The following ZNF519 variants were observed in gnomAD, a reference collection of about 807,000 sequenced individuals.
ZNF519 encodes the protein similar to Zinc finger protein 85 (Zinc finger protein HPF4) (HTF1).
A neutral mutation model predicts 7.4 loss-of-function variants in ZNF519; 7 were observed. The ratio of observed to expected loss-of-function variants is 0.94; its 90% CI spans 0.54 to 1.77. ZNF519 has a LOEUF of 1.77. Ranked by LOEUF, ZNF519 falls within the 40% of genes most tolerant of loss-of-function variation. The pLI is 0.00. For missense variants in ZNF519, 586 were observed against 623.1 expected, an observed-to-expected ratio of 0.94 and a Z score of 0.63; for synonymous variants, 179 against 203.3, an observed-to-expected ratio of 0.88 and a Z score of 1.02.
rs10221432 is a variant in ZNF519 at position 14,106,275 on chromosome 18, C to T, written c.265G>A (p.Gly89Ser). 4,782 of 1,613,270 alleles carry T rather than the reference C, an allele frequency of 3.0e-3. 139 individuals carry two copies. The African/African-American group carries it at 0.058, about 20-fold the overall frequency. ...ICLWKNWESI[G>S]EGEGQKECYN... ...CATTCCTTTTGTCCTTCACCTTCACCTATACTTTCCCAGTTTTTCCATAAG... is the reference window on the plus strand; with the variant it reads ...CATTCCTTTTGTCCTTCACCTTCACTTATACTTTCCCAGTTTTTCCATAAG... Residue 89 changes from glycine to serine, a missense_variant, in exon 3 of 3, where the codon GGT (glycine) becomes AGT (serine). Gly to Ser is a moderately conservative substitution (Grantham distance 56). Transcript: ENST00000590202.
At chr18:14,089,780 A>T (rs1030123452) in intron 2 of ZNF519, among the ~76,000 whole-genome samples, 1 of 152,218 alleles carries the variant, frequency 6.6e-6, no homozygotes, top group East Asian at 1.9e-4. Context: ...AAGGAAAAAA[A>T]TAATCATTAA....
chr18:14,105,989 T>C lies in ZNF519; in HGVS notation c.551A>G (p.Asn184Ser), dbSNP rs763002336. 4.4e-6 allele frequency: 7 copies of C among 1,586,032 alleles called. No homozygotes were observed. Among genetic ancestry groups the C allele is most frequent in the Admixed American group, 1.8e-5 (1 of 56,512 alleles). Residue 184 changes from asparagine to serine, a missense_variant, in exon 3 of 3, where the codon AAT becomes AGT. Coordinates refer to ENST00000590202, the MANE Select transcript of ZNF519 (RefSeq NM_145287.4). ...THFLENYYNCNECEKVFYQSS... is the reference protein window; with the variant it reads ...THFLENYYNCSECEKVFYQSS... The stretch of plus-strand genomic sequence containing the variant: ...TTGGTAAAATACTTTTTCACATTCA[T>C]TACAATTGTAATAGTTTTCTAGAAA...
rs1372873720 is a variant in ZNF519 at position 14,076,759 on chromosome 18, A to G, written c.*1044T>C. 3 of 152,162 alleles carry G rather than the reference A, an allele frequency of 2.0e-5. No individual in the cohort carries two copies. In the East Asian group the frequency reaches 5.8e-4, roughly 29 times the overall value. 9.4% of individuals were successfully genotyped at this position (152,162 alleles called of 1,614,324 possible). On this transcript the variant is annotated 3_prime_UTR_variant and NMD_transcript_variant, in exon 5 of 5. Transcript: ENST00000587419. ...TATCACAAACAATTCAATTCAGAAA[A>G]CTGCCGAAGATCTTGACCTTTTTTA...
At chr18:14,097,588 G>A (rs2046142079), downstream of ZNF519, among the ~76,000 whole-genome samples, 1 of 152,206 alleles carries the variant, frequency 6.6e-6, no homozygotes, top group Non-Finnish European at 1.5e-5. Context: ...GGGAGCCCTT[G>A]TGGAATAAGG....
At chr18:14,087,356 A>G (rs1337754714) in intron 2 of ZNF519, among the ~76,000 whole-genome samples, 5 of 152,220 alleles carry the variant, frequency 3.3e-5, no homozygotes, top group African/African-American at 1.2e-4. Flanking sequence ...GGTAAGAAAA[A>G]GAAATAAAAG....
At chr18:14,082,846 C>A (rs1035520189) in intron 3 of ZNF519, 2 of 152,044 alleles carry the variant, frequency 1.3e-5, no homozygotes, top group Admixed American at 6.6e-5. Context: ...TACCACCAAG[C>A]CTGGCTAATT....
chr18:14,127,837 TG>T (rs2046308487), intron 1 of ZNF519, among the ~76,000 whole-genome samples: 1 of 151,968 alleles, frequency 6.6e-6, no homozygotes, highest in Non-Finnish European at 1.5e-5. Flanking sequence ...TTTGAAGATT[TG>T]GGGGGCACTT....
In ZNF519 at chr18:14,105,090, C is replaced by T; in HGVS notation, c.1450G>A (p.Gly484Arg). 1 of 1,611,684 alleles carries T rather than the reference C, an allele frequency of 6.2e-7. No individual in the cohort carries two copies. The highest frequency in any genetic ancestry group is 1.1e-5 in the South Asian group (1 of 90,728). Residue 484 changes from glycine (G) to arginine (R), a missense_variant, in exon 3 of 3, where the codon GGA becomes AGA. Physicochemically the swap from Gly to Arg is moderately radical, Grantham distance 125. Transcript: ENST00000590202. ...HLTQHQRVHT[G>R]EKFFKCKECG... ...TCTTTACATTTGAAGAATTTCTCTC[C>T]AGTATGGACTCTCTGATGTTGAGTA...
At position 14,103,631 on chromosome 18, in the gene ZNF519, C is replaced by G. The variant is rs1401564658; in HGVS notation, c.*1286G>C. 6.6e-6 allele frequency: 1 copy of G among 152,070 alleles called. No homozygotes were observed. The highest frequency in any genetic ancestry group is 1.5e-5 in the Non-Finnish European group (1 of 67,978). The allele number at this position is 152,070 out of a possible 1,614,324, so 9.4% of individuals were successfully genotyped here. A position where few individuals can be genotyped will look rare whatever the true frequency, so the allele number is the denominator to read the frequency against. Reference sequence around the variant, plus strand: ...GTAAAAATAGCTAAGGGCTAATTAACTACTCAACACACCTTGGGGAACTTG... The same window carrying G: ...GTAAAAATAGCTAAGGGCTAATTAAGTACTCAACACACCTTGGGGAACTTG... On this transcript the variant is annotated 3_prime_UTR_variant, in exon 3 of 3. Transcript: ENST00000590202.
At chr18:14,095,886 A>C (rs1470515343), downstream of ZNF519, among the ~76,000 whole-genome samples, 1 of 152,210 alleles carries the variant, frequency 6.6e-6, no homozygotes, top group East Asian at 1.9e-4. Flanking sequence ...TCCAAATCCC[A>C]TGCTGCCAGG....
At chr18:14,121,404 A>G (rs557592270) in intron 2 of ZNF519, among the ~76,000 whole-genome samples, 71 of 152,296 alleles carry the variant, frequency 4.7e-4, no homozygotes, top group Middle Eastern at 6.8e-3. Context: ...CAACTTGACT[A>G]TATTTTATTT....
chr18:14,106,599 T>C (rs756451150), intron 2 of ZNF519, among the ~76,000 whole-genome samples, 190 bp from the exon 3 acceptor site: 1 of 151,730 alleles, frequency 6.6e-6, no homozygotes, highest in Non-Finnish European at 1.5e-5. Flanking sequence ...GTCACCAATT[T>C]TACAATGATC....
rs749740547 is a variant in ZNF519, at chr18:14,106,203, A to G, written c.337T>C (p.Leu113=). 2 of 1,613,032 alleles carry G rather than the reference A, an allele frequency of 1.2e-6. No individual in the cohort carries two copies. Among genetic ancestry groups the G allele is most frequent in the Admixed American group, 1.7e-5 (1 of 59,748 alleles). Residue 113 remains leucine (L), a synonymous_variant, in exon 3 of 3, where the codon TTA becomes CTA. Coordinates refer to ENST00000590202, the MANE Select transcript of ZNF519 (RefSeq NM_145287.4). ...QYLTTSHNKH[L]TVKGDKEYRI... is the part of the protein sequence containing the mutation. The stretch of plus-strand genomic sequence containing the variant: ...TATTCTTTGTCTCCTTTCACAGTTA[A>G]ATGTTTGTTATGACTAGTTGTCAAA...
Position 14,090,755 on chromosome 18 carries a change from A to C in ZNF519, c.131-5679T>G, listed in dbSNP as rs879606322. The C allele has an allele frequency of 2.0e-5, 3 of 152,266 alleles. 1 individual carries two copies. Among genetic ancestry groups the C allele is most frequent in the African/African-American group, 7.2e-5 (3 of 41,458 alleles). 9.4% of individuals were successfully genotyped at this position (152,266 alleles called of 1,614,324 possible). ...TGGGCAATTTCTCCAAATTTAAAGA[A>C]GACTGGAGATCCCGGAACACAGCAA... On this transcript the variant is annotated intron_variant and NMD_transcript_variant, in intron 2 of 4. Transcript: ENST00000587419.
chr18:14,125,563 C>T (rs1040660988), intron 1 of ZNF519, among the ~76,000 whole-genome samples: 4 of 151,958 alleles, frequency 2.6e-5, no homozygotes, highest in African/African-American at 4.8e-5. Context: ...TGGAGAGATA[C>T]GGAAAGGAAC....
At chr18:14,123,881 T>C (rs959131256) in intron 2 of ZNF519, among the ~76,000 whole-genome samples, 1 of 151,854 alleles carries the variant, frequency 6.6e-6, no homozygotes, top group African/African-American at 2.4e-5. Flanking sequence ...TCATAAAGAT[T>C]TTCTTTTTGG....
rs569664069 is a variant in ZNF519 at position 14,110,882 on chromosome 18, G to T, written c.131-4473C>A. 2.6e-4 allele frequency among the ~76,000 whole-genome samples: 39 copies of T among 152,250 alleles called. No individual in the cohort carries two copies. The South Asian group carries it at 7.3e-3, about 28-fold the overall frequency. On this transcript the variant is annotated intron_variant, in intron 2 of 2. Coordinates refer to ENST00000590202, the MANE Select transcript of ZNF519 (RefSeq NM_145287.4). The stretch of plus-strand genomic sequence containing the variant: ...TAAGAGTAATGTAATAGACTTTGGG[G>T]ACTTGAGGGGGAAGGCTGGGAGGCG...
chr18:14,075,385 G>A (rs2046043854), downstream of ZNF519: 1 of 152,260 alleles, frequency 6.6e-6, no homozygotes, highest in Non-Finnish European at 1.5e-5. Context: ...TGTAGTTTCA[G>A]GTCTGCCCAG....
chr18:14,122,692 A>C (rs2046275563), intron 2 of ZNF519: 1 of 152,118 alleles, frequency 6.6e-6, no homozygotes, highest in South Asian at 2.1e-4. Context: ...ACAAAACAAA[A>C]AACACAACCT....
Sources: allele counts gnomAD v4.1 joint callset (sites outside exome capture counted in the v4.1 genomes callset), GRCh38; gene constraint gnomAD v4.1.1; transcripts MANE v1.5; gene names NCBI Gene and HGNC (gene_info 2026-07-23, HGNC 2026-07-21).